Variants in GALK2 observed in about 807,000 individuals in gnomAD.
GALK2 encodes the protein galactokinase 2.
GALK2 carries 36 observed loss-of-function variants against 52.4 expected under a neutral mutation model. The observed-to-expected ratio is 0.69, with a 90% confidence interval of 0.53 to 0.91. The LOEUF (loss-of-function observed/expected upper bound fraction) is 0.91, where lower values mean the gene tolerates loss of function less well. Ranked by LOEUF, GALK2 falls within the 40% of genes least tolerant of loss-of-function variation. The pLI is 0.00. For missense variants in GALK2, 579 were observed against 559.1 expected (o/e 1.04, Z -0.36); for synonymous variants, 176 against 199.1 (o/e 0.88, Z 0.98).
intron 9 of GALK2, among the ~76,000 whole-genome samples, chr15:49,321,418 G>A (rs2036862888): frequency 6.6e-6 from 1 of 152,144 alleles, no homozygotes. Context: ...GAGAAAGGGG[G>A]CAATGGAAAT....
At chr15:49,311,432 T>C (rs1377700741) in intron 8 of GALK2, among the ~76,000 whole-genome samples, 2 of 152,258 alleles carry the variant, frequency 1.3e-5, no homozygotes, top group East Asian at 3.8e-4. Context: ...TTACATTCTC[T>C]GTTGCTTCTA....
chr15:49,331,782 G>C lies in GALK2; in HGVS notation c.*3623G>C, dbSNP rs1169462058. The C allele has an allele frequency of 6.3e-6, 10 of 1,586,108 alleles. No individual in the cohort carries two copies. The highest frequency in any genetic ancestry group is 8.7e-6 in the Non-Finnish European group (10 of 1,154,702). ...TTATTTTCAGAAAGAAAACCTACCA[G>C]TTTATGTAGGAACTTCTCAAAGTCC... On this transcript the variant is annotated 3_prime_UTR_variant, in exon 10 of 10. Coordinates refer to ENST00000560031, the MANE Select transcript of GALK2 (RefSeq NM_002044.4).
At chr15:49,295,708 C>T (rs991775823) in intron 8 of GALK2, among the ~76,000 whole-genome samples, 1 of 152,186 alleles carries the variant, frequency 6.6e-6, no homozygotes, top group Non-Finnish European at 1.5e-5. Context: ...TAATTGGAAG[C>T]TTGGTCTTCC....
chr15:49,178,194 A>AATATATATATATATAT (rs1566907035), intron 1 of GALK2, among the ~76,000 whole-genome samples: 4 of 39,602 alleles, frequency 1.0e-4, no homozygotes, highest in African/African-American at 2.3e-4. Flanking sequence ...AAAAAGAAAT[A>AATATATATATATATAT]CTATATATAT....
chr15:49,235,692 T>C (rs2090764856), intron 3 of GALK2, 159 bp from the exon 4 acceptor site: 2 of 755,904 alleles, frequency 2.6e-6, no homozygotes, highest in Non-Finnish European at 4.9e-6. Context: ...TCTTAACTCT[T>C]AGCAGCTGGA....
At chr15:49,327,392 T>TTTG (rs2037696787) in intron 9 of GALK2, 6 of 152,212 alleles carry the variant, frequency 3.9e-5, no homozygotes, top group Admixed American at 2.6e-4. Context: ...TAACACGCTT[T>TTTG]TTGTTGATAA....
chr15:49,351,772 G>A (rs750108679), intron 3 of GALK2, among the ~76,000 whole-genome samples: 12 of 152,156 alleles, frequency 7.9e-5, no homozygotes, highest in African/African-American at 1.2e-4. Flanking sequence ...AGGGAGGTCT[G>A]AAGCTCAGAT....
At chr15:49,320,789 T>C (rs1439461286) in intron 9 of GALK2, among the ~76,000 whole-genome samples, 1 of 152,240 alleles carries the variant, frequency 6.6e-6, no homozygotes, top group African/African-American at 2.4e-5. Flanking sequence ...GCTTGTTTCA[T>C]TTTAAGTACC....
chr15:49,192,485 G>GTGTATATATATATATATATATA (rs1360198549), intron 1 of GALK2, among the ~76,000 whole-genome samples: 3 of 102,976 alleles, frequency 2.9e-5, no homozygotes, highest in African/African-American at 4.1e-5. Flanking sequence ...ATATATATAT[G>GTGTATATATATATATATATATA]TATATATATA....
At chr15:49,185,305 G>A (rs1448497750) in intron 1 of GALK2, among the ~76,000 whole-genome samples, 1 of 152,126 alleles carries the variant, frequency 6.6e-6, no homozygotes, top group Non-Finnish European at 1.5e-5. Flanking sequence ...CAAAGAATAT[G>A]GTATTACTCT....
At chr15:49,358,865 G>C (rs1456752767) in intron 3 of GALK2, among the ~76,000 whole-genome samples, 3 of 150,682 alleles carry the variant, frequency 2.0e-5, no homozygotes, top group African/African-American at 7.3e-5. Flanking sequence ...AACCAAAACA[G>C]CATGGTACTG....
chr15:49,191,154 G>A (rs932731871), intron 1 of GALK2, among the ~76,000 whole-genome samples: 1 of 151,950 alleles, frequency 6.6e-6, no homozygotes, highest in African/African-American at 2.4e-5. Context: ...AAAGTGGATC[G>A]GTCATTTTAA....
chr15:49,281,331 A>G lies in GALK2; in HGVS notation c.505-656A>G, dbSNP rs142905093. Among the ~76,000 whole-genome samples, 983 of 152,362 alleles carry G rather than the reference A, an allele frequency of 6.5e-3. 15 individuals are homozygous for G. Among genetic ancestry groups the G allele is most frequent in the African/African-American group, 0.022 (927 of 41,574 alleles). ...TAAATGATACAATTTCGTATGCATA[A>G]TGGTCCCAGATTTTGGAAGCCTTCG... On this transcript the variant is annotated intron_variant, in intron 5 of 9. Transcript: ENST00000560031.
chr15:49,190,795 G>A lies in GALK2; in HGVS notation c.54-10367G>A, dbSNP rs186652951. On this transcript the variant is annotated intron_variant, in intron 1 of 9. Coordinates refer to ENST00000560031, the MANE Select transcript of GALK2 (RefSeq NM_002044.4). Reference sequence around the variant, plus strand: ...ACTGTGTTCGAATAAGGCAAATGTGGAACTGTAAGGAATTCAGTTGTTTCT... The same window carrying A: ...ACTGTGTTCGAATAAGGCAAATGTGAAACTGTAAGGAATTCAGTTGTTTCT... Among the ~76,000 whole-genome samples, 628 of 152,242 alleles carry A rather than the reference G, an allele frequency of 4.1e-3. 9 individuals are homozygous for A. Among genetic ancestry groups the A allele is most frequent in the African/African-American group, 0.015 (604 of 41,538 alleles).
intron 1 of GALK2, among the ~76,000 whole-genome samples, chr15:49,184,965 G>T (rs569279127): frequency 6.6e-6 from 1 of 152,202 alleles, no homozygotes; most frequent in Non-Finnish European, 1.5e-5. Context: ...TCTATCTTCA[G>T]ATGATTTCTT....
At chr15:49,172,217 T>C (rs996068682) in intron 1 of GALK2, among the ~76,000 whole-genome samples, 1 of 152,238 alleles carries the variant, frequency 6.6e-6, no homozygotes, top group Non-Finnish European at 1.5e-5. Flanking sequence ...TATAGGTACA[T>C]GTACTAAAAG....
At chr15:49,181,501 CTTT>C (rs370757144) in intron 1 of GALK2, among the ~76,000 whole-genome samples, 25 of 113,626 alleles carry the variant, frequency 2.2e-4, no homozygotes, top group East Asian at 5.3e-4. Context: ...AAAAAAAAGA[CTTT>C]TTTTTTTTTT....
rs376738182 is a variant in GALK2 at position 49,170,313 on chromosome 15, C to G, written c.-10C>G. ...TTGAAACTACAGGAGAAAGAAGGAT[C>G]TAGCGAAATATGGCTACAGAGAGCC... On this transcript the variant is annotated 5_prime_UTR_variant, in exon 1 of 10. It adds an upstream start codon to the 5' untranslated region. Transcript: ENST00000560031. 19 of 1,580,160 alleles carry G rather than the reference C, an allele frequency of 1.2e-5. No individual in the cohort carries two copies. The African/African-American group carries it at 2.4e-4, about 20-fold the overall frequency.
At chr15:49,340,423 G>A (rs1043829161) in intron 3 of GALK2, among the ~76,000 whole-genome samples, 8 of 26,490 alleles carry the variant, frequency 3.0e-4, no homozygotes, top group Non-Finnish European at 5.4e-4. Context: ...TCCCCCCCCC[G>A]CTTTGCCTCG....
Sources: allele counts gnomAD v4.1 joint callset (sites outside exome capture counted in the v4.1 genomes callset), GRCh38; gene constraint gnomAD v4.1.1; transcripts MANE v1.5; gene names NCBI Gene and HGNC (gene_info 2026-07-23, HGNC 2026-07-21).